DNAJC6: variants seen among roughly 807,000 people sequenced by gnomAD.
The protein encoded by DNAJC6 is auxilin.
Under a neutral mutation model 110.0 loss-of-function variants are expected in DNAJC6, and 34 were observed. The ratio of observed to expected loss-of-function variants is 0.31; its 90% CI spans 0.24 to 0.41. DNAJC6 has a LOEUF of 0.41. Among genes scored for constraint, DNAJC6 ranks in the 10% least tolerant of loss-of-function variants. DNAJC6 has a pLI of 1.00. For synonymous variants in DNAJC6, 406 were observed against 437.2 expected (o/e 0.93, Z 0.89); for missense variants, 1,031 against 1,207.8 (o/e 0.85, Z 2.17).
At chr1:65,385,625 T>C in intron 6 of DNAJC6, 87 bp from the exon 7 acceptor site, 1 of 1,209,606 alleles carries the variant, frequency 8.3e-7, no homozygotes, top group Non-Finnish European at 1.1e-6. Context: ...TAACAGTAAT[T>C]TGCAAGAAGA....
chr1:65,378,597 G>A (rs1164671966), intron 4 of DNAJC6, among the ~76,000 whole-genome samples: 4 of 152,206 alleles, frequency 2.6e-5, no homozygotes, highest in Admixed American at 6.5e-5. Flanking sequence ...AGCTAGATTA[G>A]TAAGTATGTA....
At chr1:65,314,947 A>G (rs1367039582) in intron 1 of DNAJC6, among the ~76,000 whole-genome samples, 1 of 152,246 alleles carries the variant, frequency 6.6e-6, no homozygotes, top group Non-Finnish European at 1.5e-5. Flanking sequence ...TGGAAGGGGA[A>G]TCCCTGGAAC....
chr1:65,347,529 A>G lies in DNAJC6; in HGVS notation c.194-17106A>G, dbSNP rs143736420. Among the ~76,000 whole-genome samples the G allele has an allele frequency of 3.9e-4, 59 of 151,884 alleles. No individual in the cohort carries two copies. The East Asian group carries it at 0.01, about 26-fold the overall frequency. On this transcript the variant is annotated intron_variant, in intron 1 of 18. Transcript: ENST00000371069. ...ATTTTCCACATTCTTTATGTCTTCT[A>G]TATTATAGATATATATGATATTATT...
intron 1 of DNAJC6, among the ~76,000 whole-genome samples, chr1:65,345,982 A>C (rs1645433717): frequency 6.6e-6 from 1 of 152,154 alleles, no homozygotes; most frequent in Admixed American, 6.6e-5. Context: ...AGACCAGTGA[A>C]ACAGAGGAGT....
Position 65,384,219 on chromosome 1 carries a change from G to T in DNAJC6, c.693G>T (p.Leu231=). Residue 231 remains leucine (L), a synonymous_variant, in exon 6 of 19, where the codon CTG becomes CTT. Transcript: ENST00000371069. Reference sequence around the variant, plus strand: ...ATGGACGGGCGGCATCATCAATTCTGGTTGGTGCTATGTTCATTTTCTGTA... The same window carrying T: ...ATGGACGGGCGGCATCATCAATTCTTGTTGGTGCTATGTTCATTTTCTGTA... The part of the protein sequence containing the change: ...CLDGRAASSI[L]VGAMFIFCNL... 1 of 1,558,022 alleles carries T rather than the reference G, an allele frequency of 6.4e-7. No individual in the cohort carries two copies. Among genetic ancestry groups the T allele is most frequent in the Non-Finnish European group, 8.7e-7 (1 of 1,155,140 alleles).
rs959659760 is a variant in DNAJC6, at chr1:65,265,495, C to T, written c.-131+563C>T. The stretch of plus-strand genomic sequence containing the variant: ...TGTAAACTACCCCCACTCCATCAGC[C>T]TCCACACCTTACCTCCCCCTCACCT... On this transcript the variant is annotated intron_variant, in intron 1 of 19. Transcript: ENST00000263441. 2.0e-5 allele frequency among the ~76,000 whole-genome samples: 3 copies of T among 152,156 alleles called. No homozygotes were observed. In the East Asian group the frequency reaches 5.8e-4, roughly 29 times the overall value.
Position 65,271,870 on chromosome 1 carries a change from CAA to C in DNAJC6, c.-131+6952_-131+6953del, listed in dbSNP as rs61066958. 3.8e-3 allele frequency among the ~76,000 whole-genome samples: 503 copies of C among 133,184 alleles called. 7 individuals are homozygous for C. In the East Asian group the frequency reaches 0.045, roughly 12 times the overall value. 87.4% of individuals were successfully genotyped at this position (133,184 alleles called of 152,430 possible). ...TGGGCAACAGAGCGAGACTCCATCT[CAA>C]AAAAAAAAAAAAAGAAAGAAATAGA... On this transcript the variant is annotated intron_variant, in intron 1 of 19. Coordinates refer to the DNAJC6 transcript ENST00000263441.
At chr1:65,386,981 A>T (rs1374305093) in intron 8 of DNAJC6, 52 bp downstream of exon 8, 1 of 1,416,780 alleles carries the variant, frequency 7.1e-7, no homozygotes, top group Non-Finnish European at 1.0e-6. Context: ...CTTCAATAGG[A>T]GTATTTCTGA....
chr1:65,380,474 C>G (rs1645806959), intron 5 of DNAJC6, among the ~76,000 whole-genome samples: 1 of 152,212 alleles, frequency 6.6e-6, no homozygotes, highest in African/African-American at 2.4e-5. Flanking sequence ...TACTTCACAT[C>G]TCCAAACTCT....
At chr1:65,351,284 T>C (rs1557536197) in intron 1 of DNAJC6, among the ~76,000 whole-genome samples, 1 of 152,212 alleles carries the variant, frequency 6.6e-6, no homozygotes. Flanking sequence ...AAAAAACAGA[T>C]GTTTTATATA....
At chr1:65,391,376 A>G (rs1645923983) in intron 11 of DNAJC6, among the ~76,000 whole-genome samples, 1 of 152,102 alleles carries the variant, frequency 6.6e-6, no homozygotes. Context: ...TTAAATATCA[A>G]ATTTTTGTGG....
In DNAJC6 at chr1:65,392,706, A is replaced by G; in HGVS notation, c.1744A>G (p.Ser582Gly). The G allele has an allele frequency of 6.2e-7, 1 of 1,612,842 alleles. No homozygotes were observed. Among genetic ancestry groups the G allele is most frequent in the South Asian group, 1.1e-5 (1 of 90,778 alleles). Residue 582 changes from serine (S) to glycine (G), a missense_variant, in exon 12 of 19, where the codon AGT becomes GGT. Coordinates refer to ENST00000371069, the MANE Select transcript of DNAJC6 (RefSeq NM_001256864.2). The stretch of plus-strand genomic sequence containing the variant: ...TCCTCCCACCAATTCTGAACTACTG[A>G]GTGACCTGTTTGGGGGTGGAGGTGC... ...AAPPTNSELL[S>G]DLFGGGGAAG...
At chr1:65,305,908 T>C (rs1157239425), upstream of DNAJC6, among the ~76,000 whole-genome samples, 1 of 152,132 alleles carries the variant, frequency 6.6e-6, no homozygotes, top group African/African-American at 2.4e-5. Flanking sequence ...GTTAAGCACT[T>C]ATTATATGTT....
intron 13 of DNAJC6, among the ~76,000 whole-genome samples, chr1:65,396,961 T>TTTCACACA: frequency 6.6e-6 from 1 of 152,352 alleles, no homozygotes; most frequent in African/African-American, 2.4e-5. Context: ...ATTGTTTTAA[T>TTTCACACA]AAGAGTACTA....
intron 13 of DNAJC6, among the ~76,000 whole-genome samples, chr1:65,396,760 C>A (rs181946596): frequency 1.5e-4 from 23 of 152,116 alleles, no homozygotes; most frequent in African/African-American, 5.1e-4. Flanking sequence ...TCCACAAAGG[C>A]AGGGAATTTT....
chr1:65,351,061 A>T (rs373174179), intron 1 of DNAJC6, among the ~76,000 whole-genome samples: 1 of 151,960 alleles, frequency 6.6e-6, no homozygotes, highest in East Asian at 1.9e-4. Flanking sequence ...ATTTTCTTTT[A>T]TATTGTCCCA....
chr1:65,295,259 A>G (rs1644918074), intron 1 of DNAJC6, among the ~76,000 whole-genome samples: 1 of 152,218 alleles, frequency 6.6e-6, no homozygotes, highest in Admixed American at 6.5e-5. Context: ...TGTTTTTCCT[A>G]TATACCTATC....
At chr1:65,372,982 C>T (rs1645722223) in intron 4 of DNAJC6, among the ~76,000 whole-genome samples, 2 of 152,008 alleles carry the variant, frequency 1.3e-5, no homozygotes, top group African/African-American at 2.4e-5. Context: ...TCTTCCTGGC[C>T]TCTGGTAACT....
At chr1:65,331,788 T>C (rs1465519346) in intron 1 of DNAJC6, among the ~76,000 whole-genome samples, 25 of 152,248 alleles carry the variant, frequency 1.6e-4, no homozygotes, top group Admixed American at 1.6e-3. Context: ...GGTGACCAAA[T>C]TGGCAAAGAC....
Sources: allele counts gnomAD v4.1 joint callset (sites outside exome capture counted in the v4.1 genomes callset), GRCh38; gene constraint gnomAD v4.1.1; transcripts MANE v1.5; gene names NCBI Gene and HGNC (gene_info 2026-07-23, HGNC 2026-07-21).